ZNF569: variants seen among roughly 807,000 people sequenced by gnomAD.
ZNF569 encodes the protein zinc finger protein 569.
Under a neutral mutation model 56.3 loss-of-function variants are expected in ZNF569, and 38 were observed. The observed-to-expected ratio is 0.68, with a 90% confidence interval of 0.52 to 0.88. ZNF569 has a LOEUF of 0.88. Ranked by LOEUF, ZNF569 falls within the 40% of genes least tolerant of loss-of-function variation. ZNF569 has a pLI of 0.00. For missense variants in ZNF569, 666 were observed against 809.2 expected (o/e 0.82, Z 2.15); for synonymous variants, 241 against 262.9 (o/e 0.92, Z 0.81).
intron 3 of ZNF569, among the ~76,000 whole-genome samples, chr19:37,440,675 AAAGG>A (rs1278872576): frequency 2.2e-4 from 34 of 152,342 alleles, no homozygotes; most frequent in African/African-American, 7.0e-4. Context: ...ATTCAGACTG[AAAGG>A]AAGTAACAAA....
chr19:37,443,301 G>A (rs2041438780), intron 3 of ZNF569, among the ~76,000 whole-genome samples: 1 of 152,184 alleles, frequency 6.6e-6, no homozygotes, highest in East Asian at 1.9e-4. Context: ...AGCCAAGATC[G>A]CATCACTGCA....
chr19:37,413,559 A>G lies in ZNF569; in HGVS notation c.1099T>C (p.Ser367Pro), dbSNP rs767373882. 1.2e-6 allele frequency: 2 copies of G among 1,613,280 alleles called. No individual in the cohort carries two copies. The highest frequency in any genetic ancestry group is 1.1e-5 in the South Asian group (1 of 90,960). The change falls in exon 6 of 6, where the codon TCC becomes CCC. Residue 367 changes from serine (S) to proline (P), a missense_variant. By Grantham distance (74) the Ser-to-Pro change is moderately conservative. Coordinates refer to ENST00000316950, the MANE Select transcript of ZNF569 (RefSeq NM_152484.3). ...ATTCTAACATGTATAATAAGCATGG[A>G]AAACTGAGAGAAGGCTTTACCACAT... The part of the protein sequence containing the change: ...DKCGKAFSQF[S>P]MLIIHVRIHT...
intron 2 of ZNF569, chr19:37,454,999 C>T (rs918754086): frequency 1.7e-6 from 1 of 605,032 alleles, no homozygotes; most frequent in Non-Finnish European, 2.9e-6. Flanking sequence ...TGTCCATTTC[C>T]TTGTTGTACG....
intron 2 of ZNF569, among the ~76,000 whole-genome samples, chr19:37,449,619 A>C (rs1600337571): frequency 6.9e-6 from 1 of 145,770 alleles, no homozygotes; most frequent in Non-Finnish European, 1.5e-5. Flanking sequence ...CTTGTTCTAA[A>C]CTTTGTCTAA....
intron 5 of ZNF569, among the ~76,000 whole-genome samples, chr19:37,424,252 G>A (rs7255938): frequency 0.07 from 10,670 of 152,136 alleles, 545 homozygotes; most frequent in African/African-American, 0.13. Context: ...AATGTCAGTA[G>A]GTTTGATTTA....
intron 2 of ZNF569, among the ~76,000 whole-genome samples, chr19:37,462,716 C>T (rs1451779512): frequency 6.6e-6 from 1 of 152,138 alleles, no homozygotes; most frequent in Non-Finnish European, 1.5e-5. Flanking sequence ...TCCTTACTTC[C>T]CAGAGTTTGT....
intron 3 of ZNF569, among the ~76,000 whole-genome samples, chr19:37,433,107 C>T (rs926711045): frequency 6.6e-6 from 1 of 151,800 alleles, no homozygotes; most frequent in African/African-American, 2.4e-5. Context: ...AGTCTCACTA[C>T]GTTGCCCAAG....
intron 3 of ZNF569, among the ~76,000 whole-genome samples, chr19:37,434,215 G>A (rs185473814): frequency 3.3e-5 from 5 of 151,280 alleles, no homozygotes; most frequent in African/African-American, 7.3e-5. Flanking sequence ...CAGGAGAATC[G>A]CTTGAACCCG....
intron 2 of ZNF569, 147 bp from the exon 3 acceptor site, chr19:37,445,111 T>C (rs2041470857): frequency 1.6e-6 from 1 of 632,108 alleles, no homozygotes; most frequent in Non-Finnish European, 2.6e-6. Flanking sequence ...CAAAGGTTCT[T>C]AATAGGTGTG....
chr19:37,447,950 T>C (rs1349661215), intron 2 of ZNF569, among the ~76,000 whole-genome samples: 1 of 152,208 alleles, frequency 6.6e-6, no homozygotes, highest in Non-Finnish European at 1.5e-5. Context: ...ATGAACCCTA[T>C]TGTGATATAC....
At chr19:37,468,119 T>C (rs2041882456), upstream of ZNF569, 2 of 627,720 alleles carry the variant, frequency 3.2e-6, no homozygotes, top group Admixed American at 5.8e-5. Flanking sequence ...GAGCCTCACT[T>C]TGTTGCCCAG....
intron 5 of ZNF569, among the ~76,000 whole-genome samples, chr19:37,420,154 T>C (rs2041009229): frequency 6.6e-6 from 1 of 151,348 alleles, no homozygotes; most frequent in Non-Finnish European, 1.5e-5. Context: ...GCCAGGCTAA[T>C]TTTTTTTGTG....
intron 2 of ZNF569, among the ~76,000 whole-genome samples, chr19:37,453,290 T>C (rs2041623750): frequency 6.6e-6 from 1 of 152,148 alleles, no homozygotes; most frequent in Non-Finnish European, 1.5e-5. Context: ...ACTAGTCTTG[T>C]TTCATGTTCT....
upstream of ZNF569, among the ~76,000 whole-genome samples, chr19:37,468,254 TTTTG>T (rs140801384): frequency 0.018 from 2,763 of 151,920 alleles, 38 homozygotes; most frequent in East Asian, 0.053. Context: ...CCCGGCTGAT[TTTTG>T]TTTGTTTGTT....
At chr19:37,438,023 A>G (rs575145199) in intron 3 of ZNF569, among the ~76,000 whole-genome samples, 17 of 152,222 alleles carry the variant, frequency 1.1e-4, no homozygotes, top group Non-Finnish European at 2.4e-4. Flanking sequence ...AGCCATCCTG[A>G]GCAAACAGAA....
At chr19:37,435,599 C>T (rs11881688) in intron 3 of ZNF569, among the ~76,000 whole-genome samples, 2,041 of 152,128 alleles carry the variant, frequency 0.013, 55 homozygotes, top group African/African-American at 0.047. Context: ...CCCAAAAATC[C>T]ATTGCCTACA....
chr19:37,437,772 G>C (rs1435731167), intron 3 of ZNF569, among the ~76,000 whole-genome samples: 3 of 152,008 alleles, frequency 2.0e-5, no homozygotes, highest in Non-Finnish European at 2.9e-5. Flanking sequence ...AGAATTGAAA[G>C]ATCTCTACAA....
intron 4 of ZNF569, 69 bp from the exon 5 acceptor site, chr19:37,426,032 C>A: frequency 6.5e-7 from 1 of 1,539,578 alleles, no homozygotes; most frequent in Non-Finnish European, 8.9e-7. Flanking sequence ...AAAATTGAGG[C>A]TGGCCCAGGA....
At chr19:37,435,108 C>T (rs968226994) in intron 3 of ZNF569, among the ~76,000 whole-genome samples, 3 of 151,814 alleles carry the variant, frequency 2.0e-5, no homozygotes, top group African/African-American at 7.3e-5. Context: ...CTGGTGACAG[C>T]GAGACTCCAT....
Sources: allele counts gnomAD v4.1 joint callset (sites outside exome capture counted in the v4.1 genomes callset), GRCh38; gene constraint gnomAD v4.1.1; transcripts MANE v1.5; gene names NCBI Gene and HGNC (gene_info 2026-07-23, HGNC 2026-07-21).